Variants in POLB observed in about 807,000 individuals in gnomAD.
POLB encodes the protein DNA polymerase beta.
A neutral mutation model predicts 52.7 loss-of-function variants in POLB; 37 were observed. That is an observed-to-expected ratio of 0.70 (90% CI 0.54 to 0.92). The LOEUF (loss-of-function observed/expected upper bound fraction) is 0.92, where lower values mean the gene tolerates loss of function less well. POLB is among the 40% of genes least tolerant of loss of function. The pLI, the probability that POLB is intolerant of heterozygous loss-of-function variation, is 0.00. For synonymous variants in POLB, 138 were observed against 131.3 expected, an observed-to-expected ratio of 1.05 and a Z score of -0.35; for missense variants, 313 against 400.8, an observed-to-expected ratio of 0.78 and a Z score of 1.87.
intron 6 of POLB, among the ~76,000 whole-genome samples, chr8:42,353,871 G>A (rs559973641): frequency 2.9e-4 from 43 of 146,556 alleles, no homozygotes; most frequent in African/African-American, 1.0e-3. Flanking sequence ...ACTTAGCAGA[G>A]TGCTTGGTAC....
intron 9 of POLB, chr8:42,357,636 G>C: frequency 2.6e-6 from 1 of 381,618 alleles, no homozygotes; most frequent in Non-Finnish European, 4.7e-6. Flanking sequence ...ATGACTTTAA[G>C]TATATTGAAA....
intron 2 of POLB, chr8:42,341,770 G>T: frequency 6.8e-6 from 3 of 443,118 alleles, no homozygotes; most frequent in South Asian, 2.2e-5. Flanking sequence ...GTTTGGTTTA[G>T]CTCTCTGCAG....
intron 5 of POLB, among the ~76,000 whole-genome samples, chr8:42,350,566 C>A (rs1404309619): frequency 6.6e-6 from 1 of 152,092 alleles, no homozygotes; most frequent in Non-Finnish European, 1.5e-5. Flanking sequence ...TGCACGCCCC[C>A]TTGCCCAGCT....
chr8:42,355,399 T>C (rs1823245375), intron 6 of POLB, 117 bp from the exon 7 acceptor site: 1 of 648,658 alleles, frequency 1.5e-6, no homozygotes, highest in Admixed American at 2.4e-5. Flanking sequence ...GTGTTTTCAG[T>C]CATTTCAATG....
At chr8:42,350,701 T>C (rs537901460) in intron 5 of POLB, among the ~76,000 whole-genome samples, 2 of 152,344 alleles carry the variant, frequency 1.3e-5, no homozygotes, top group South Asian at 4.1e-4. Flanking sequence ...CTCTCATCTT[T>C]ATGGCATGGG....
intron 9 of POLB, chr8:42,357,733 T>C (rs866880063): frequency 0.071 from 12,742 of 180,582 alleles, 851 homozygotes; most frequent in African/African-American, 0.18. Flanking sequence ...TTTTCCTTTT[T>C]TTTTTTTTTT....
chr8:42,339,812 C>T (rs1017451558), intron 2 of POLB: 2 of 151,060 alleles, frequency 1.3e-5, no homozygotes, highest in African/African-American at 4.9e-5. Flanking sequence ...CTCAAATGGT[C>T]CACACACCTT....
At chr8:42,340,936 G>A (rs1239797386) in intron 2 of POLB, among the ~76,000 whole-genome samples, 3 of 152,194 alleles carry the variant, frequency 2.0e-5, no homozygotes, top group Non-Finnish European at 4.4e-5. Context: ...TGTTTAGTTT[G>A]AAGAAGCTCA....
intron 2 of POLB, among the ~76,000 whole-genome samples, chr8:42,341,058 A>G (rs940633639): frequency 4.6e-5 from 7 of 152,200 alleles, no homozygotes; most frequent in African/African-American, 7.2e-5. Flanking sequence ...CTTAACGGGT[A>G]TGGTATGAGT....
Position 42,371,737 on chromosome 8 carries a change from G to T in POLB, c.*80G>T, listed in dbSNP as rs1388145183. On this transcript the variant is annotated 3_prime_UTR_variant, in exon 14 of 14. Coordinates refer to ENST00000265421, the MANE Select transcript of POLB (RefSeq NM_002690.3). ...AACCTTTGCTATGTAAGGGTCTTTGGTGTTTTTAAATGATTGTTTCTTCTT... is the reference window on the plus strand; with the variant it reads ...AACCTTTGCTATGTAAGGGTCTTTGTTGTTTTTAAATGATTGTTTCTTCTT... 6 of 830,544 alleles carry T rather than the reference G, an allele frequency of 7.2e-6. No homozygotes were observed. The Admixed American group carries it at 1.2e-4, about 17-fold the overall frequency. 51.4% of individuals were successfully genotyped at this position (830,544 alleles called of 1,614,324 possible).
Position 42,369,984 on chromosome 8 carries a change from C to A in POLB, c.909C>A (p.Val303=). 1.2e-6 allele frequency: 2 copies of A among 1,606,528 alleles called. No homozygotes were observed. Among genetic ancestry groups the A allele is most frequent in the South Asian group, 1.1e-5 (1 of 90,740 alleles). Residue 303 remains valine (V), a synonymous_variant, in exon 13 of 14, where the codon GTC becomes GTA. Transcript: ENST00000265421. ...AGTACACCATCCGTCCCTTGGGAGT[C>A]ACTGGTGAGTGTCCATGTGTGTATT... ...INEYTIRPLG[V]TGVAGEPLPV... is the part of the protein sequence containing the mutation.
At position 42,371,616 on chromosome 8, in the gene POLB, A is replaced by G; in HGVS notation, c.967A>G (p.Ile323Val). The G allele has an allele frequency of 6.2e-7, 1 of 1,613,224 alleles. No individual in the cohort carries two copies. Residue 323 changes from isoleucine to valine, a missense_variant, in exon 14 of 14, where the codon ATC (isoleucine) becomes GTC (valine). Physicochemically the swap from Ile to Val is conservative, Grantham distance 29. Around this residue, in one of 3 missense-constraint regions of POLB, gnomAD observed 246 missense variants for 297.6 expected, o/e 0.83. Transcript: ENST00000265421. ...VDSEKDIFDY[I>V]QWKYREPKDR... Reference sequence around the variant, plus strand: ...TAGTGAAAAAGACATCTTTGATTACATCCAGTGGAAATACCGGGAACCCAA... The same window carrying G: ...TAGTGAAAAAGACATCTTTGATTACGTCCAGTGGAAATACCGGGAACCCAA...
intron 3 of POLB, among the ~76,000 whole-genome samples, chr8:42,348,669 T>C (rs2130796285): frequency 6.6e-6 from 1 of 152,348 alleles, no homozygotes; most frequent in South Asian, 2.1e-4. Flanking sequence ...TTTATGAATA[T>C]TATTATACTG....
chr8:42,368,004 A>G (rs1824148955), intron 11 of POLB, among the ~76,000 whole-genome samples: 1 of 152,230 alleles, frequency 6.6e-6, no homozygotes, highest in African/African-American at 2.4e-5. Context: ...GAAGCTACCC[A>G]AATGAAATGC....
intron 2 of POLB, chr8:42,342,301 C>T (rs1282187819): frequency 6.5e-7 from 1 of 1,536,912 alleles, no homozygotes; most frequent in Admixed American, 1.7e-5. Flanking sequence ...CATGCCAAAC[C>T]TATTGAGAAG....
At chr8:42,341,118 C>G (rs1037605079) in intron 2 of POLB, among the ~76,000 whole-genome samples, 1 of 152,214 alleles carries the variant, frequency 6.6e-6, no homozygotes, top group Non-Finnish European at 1.5e-5. Context: ...CCTGCATGCT[C>G]CTCCCTACCC....
At chr8:42,369,224 C>A in intron 11 of POLB, 47 bp from the exon 12 acceptor site, 1 of 1,139,144 alleles carries the variant, frequency 8.8e-7, no homozygotes, top group Non-Finnish European at 1.3e-6. Context: ...AAAATTAAGC[C>A]TTAAGTTTAG....
intron 3 of POLB, among the ~76,000 whole-genome samples, chr8:42,347,739 C>A (rs1822723213): frequency 6.6e-6 from 1 of 150,854 alleles, no homozygotes; most frequent in African/African-American, 2.4e-5. Context: ...TTTTTCTAAT[C>A]TATTCTGCTT....
At chr8:42,364,280 C>T (rs529436730) in intron 11 of POLB, among the ~76,000 whole-genome samples, 3 of 151,984 alleles carry the variant, frequency 2.0e-5, no homozygotes, top group Non-Finnish European at 4.4e-5. Flanking sequence ...TGCTCTGTCA[C>T]CCAGGCTGTA....
Sources: allele counts gnomAD v4.1 joint callset (sites outside exome capture counted in the v4.1 genomes callset), GRCh38; gene constraint gnomAD v4.1.1; regional missense constraint gnomAD v4.1.1; transcripts MANE v1.5; gene names NCBI Gene and HGNC (gene_info 2026-07-23, HGNC 2026-07-21).